GOLGA7: variants seen among roughly 807,000 people sequenced by gnomAD.
The protein encoded by GOLGA7 is golgin A7.
A neutral mutation model predicts 21.1 loss-of-function variants in GOLGA7; 10 were observed. That is an observed-to-expected ratio of 0.47 (90% CI 0.29 to 0.80). The LOEUF is 0.80. Ranked by LOEUF, GOLGA7 falls within the 30% of genes least tolerant of loss-of-function variation. The pLI, the probability that GOLGA7 is intolerant of heterozygous loss-of-function variation, is 0.08. For synonymous variants in GOLGA7, 64 were observed against 62.6 expected (o/e 1.02, Z -0.10); for missense variants, 114 against 166.8 (o/e 0.68, Z 1.74).
chr8:41,497,084 A>G (rs1325936373), intron 1 of GOLGA7, among the ~76,000 whole-genome samples: 1 of 151,690 alleles, frequency 6.6e-6, no homozygotes, highest in Non-Finnish European at 1.5e-5. Flanking sequence ...TGCTGGGATT[A>G]CAGGCATGAG....
intron 1 of GOLGA7, among the ~76,000 whole-genome samples, chr8:41,495,850 A>G (rs552142139): frequency 6.6e-6 from 1 of 152,286 alleles, no homozygotes; most frequent in African/African-American, 2.4e-5. Context: ...ATGAAGTAGC[A>G]AAATTTGAAA....
At chr8:41,509,066 T>TA (rs1337590668) in intron 4 of GOLGA7, among the ~76,000 whole-genome samples, 1 of 152,228 alleles carries the variant, frequency 6.6e-6, no homozygotes, top group African/African-American at 2.4e-5. Flanking sequence ...ATCACATTGT[T>TA]ATTGTTACAT....
chr8:41,490,596 A>G lies in GOLGA7; in HGVS notation c.-259A>G. 1 of 478,242 alleles carries G rather than the reference A, an allele frequency of 2.1e-6. No homozygotes were observed. The highest frequency in any genetic ancestry group is 3.7e-6 in the Non-Finnish European group (1 of 269,006). The allele number at this position is 478,242 out of a possible 1,614,324, so 29.6% of individuals were successfully genotyped here. A position where few individuals can be genotyped will look rare whatever the true frequency, so the allele number is the denominator to read the frequency against. On this transcript the variant is annotated 5_prime_UTR_variant, in exon 1 of 5. Transcript: ENST00000357743. ...GTGACGGCGAAGGCGGTGCGACAGC[A>G]GCTGGAGGGCAGAGGAGGCGGGTTT...
chr8:41,507,463 A>G (rs1456562120), intron 4 of GOLGA7, among the ~76,000 whole-genome samples: 2 of 152,174 alleles, frequency 1.3e-5, no homozygotes, highest in African/African-American at 4.8e-5. Context: ...TGGGTTTTGC[A>G]TATAAGAATG....
intron 2 of GOLGA7, among the ~76,000 whole-genome samples, chr8:41,505,511 C>T (rs989341855): frequency 2.6e-5 from 4 of 152,140 alleles, no homozygotes; most frequent in African/African-American, 9.7e-5. Context: ...CAAGAACTGT[C>T]CTTGATTTTA....
chr8:41,499,752 G>A (rs1280819921), intron 2 of GOLGA7, among the ~76,000 whole-genome samples: 6 of 152,130 alleles, frequency 3.9e-5, no homozygotes, highest in Non-Finnish European at 8.8e-5. Flanking sequence ...TAGGGGTGTG[G>A]CAGGCCAGGG....
Position 41,490,791 on chromosome 8 carries a change from C to T in GOLGA7, c.-64C>T. 2.2e-6 allele frequency: 2 copies of T among 902,270 alleles called. No homozygotes were observed. Among genetic ancestry groups the T allele is most frequent in the Non-Finnish European group, 3.5e-6 (2 of 571,688 alleles). The allele number at this position is 902,270 out of a possible 1,614,324, so 55.9% of individuals were successfully genotyped here. A position where few individuals can be genotyped will look rare whatever the true frequency, so the allele number is the denominator to read the frequency against. ...GGCGGGTCAGAGTCCCGGGTCCAGGCCGGGGCTCTGACTCGCGGTTGGTGT... is the reference window on the plus strand; with the variant it reads ...GGCGGGTCAGAGTCCCGGGTCCAGGTCGGGGCTCTGACTCGCGGTTGGTGT... On this transcript the variant is annotated 5_prime_UTR_variant, in exon 1 of 5. Transcript: ENST00000357743.
chr8:41,495,066 T>C (rs982783446), intron 1 of GOLGA7, among the ~76,000 whole-genome samples: 16 of 151,490 alleles, frequency 1.1e-4, no homozygotes, highest in African/African-American at 3.6e-4. Context: ...TAGTAGGGAA[T>C]GGTGGTGCAC....
chr8:41,503,452 A>G (rs1276890533), intron 2 of GOLGA7, among the ~76,000 whole-genome samples: 1 of 101,274 alleles, frequency 9.9e-6, no homozygotes, highest in Non-Finnish European at 2.0e-5. Context: ...TTTTGTTGCC[A>G]TTGCTTTTGG....
chr8:41,495,908 A>G (rs945194835), intron 1 of GOLGA7, among the ~76,000 whole-genome samples: 6 of 152,004 alleles, frequency 3.9e-5, no homozygotes, highest in African/African-American at 1.4e-4. Context: ...ATATTGGAAG[A>G]ATAAAGTAAA....
chr8:41,493,181 G>A (rs1206319860), intron 1 of GOLGA7, among the ~76,000 whole-genome samples: 2 of 152,186 alleles, frequency 1.3e-5, no homozygotes, highest in African/African-American at 4.8e-5. Context: ...TTGATTGTCT[G>A]TGTATGTGTG....
rs534130949 is a variant in GOLGA7, at chr8:41,495,996, A to G, written c.112-1513A>G. On this transcript the variant is annotated intron_variant, in intron 1 of 4. Transcript: ENST00000357743. ...AAATATGTGGAACCAGAAGTATTTC[A>G]GTTTTTGGGGTTTTTTTAGATTTTG... 2.4e-4 allele frequency among the ~76,000 whole-genome samples: 37 copies of G among 152,324 alleles called. No homozygotes were observed. In the South Asian group the frequency reaches 7.2e-3, roughly 30 times the overall value.
chr8:41,498,650 C>T (rs1412145477), intron 2 of GOLGA7, among the ~76,000 whole-genome samples: 1 of 152,196 alleles, frequency 6.6e-6, no homozygotes, highest in African/African-American at 2.4e-5. Flanking sequence ...CTCTTGTGTC[C>T]CTACAACATT....
At chr8:41,494,726 T>C (rs1463113858) in intron 1 of GOLGA7, among the ~76,000 whole-genome samples, 4 of 152,176 alleles carry the variant, frequency 2.6e-5, no homozygotes, top group East Asian at 3.8e-4. Flanking sequence ...ATCTCTAATA[T>C]TCCTGGAAAT....
chr8:41,509,471 T>G (rs922381632), intron 4 of GOLGA7, 113 bp from the exon 5 acceptor site: 1 of 152,446 alleles, frequency 6.6e-6, no homozygotes, highest in Non-Finnish European at 1.5e-5. Flanking sequence ...AATTCTAGGT[T>G]AGTAGAACAT....
intron 1 of GOLGA7, among the ~76,000 whole-genome samples, chr8:41,493,970 G>A (rs566374691): frequency 2.0e-4 from 31 of 152,206 alleles, no homozygotes; most frequent in South Asian, 4.2e-4. Flanking sequence ...GAAGTTTGTC[G>A]TTTGCCTTTA....
intron 2 of GOLGA7, among the ~76,000 whole-genome samples, chr8:41,500,378 C>A (rs935667032): frequency 6.6e-6 from 1 of 152,056 alleles, no homozygotes; most frequent in South Asian, 2.1e-4. Context: ...TGAACATACA[C>A]AAAGGCCCAG....
Position 41,510,209 on chromosome 8 carries a change from A to G in GOLGA7, c.*641A>G, listed in dbSNP as rs186643502. 6.5e-6 allele frequency: 1 copy of G among 152,762 alleles called. No individual in the cohort carries two copies. Among genetic ancestry groups the G allele is most frequent in the Non-Finnish European group, 1.5e-5 (1 of 68,030 alleles). The allele number at this position is 152,762 out of a possible 1,614,324, so 9.5% of individuals were successfully genotyped here. On this transcript the variant is annotated 3_prime_UTR_variant, in exon 5 of 5. Coordinates refer to ENST00000357743, the MANE Select transcript of GOLGA7 (RefSeq NM_001002296.2). ...TTATTATAGCAATTATGCCTAATTA[A>G]AGCAGTATTTAATGCAATTTCCAGT...
intron 1 of GOLGA7, among the ~76,000 whole-genome samples, chr8:41,495,423 T>C (rs1181328757): frequency 6.6e-6 from 1 of 151,668 alleles, no homozygotes; most frequent in Non-Finnish European, 1.5e-5. Context: ...TAGCTAGGAC[T>C]ATAGGCATGC....
Sources: gnomAD v4.1 joint callset for allele counts (sites outside exome capture counted in the v4.1 genomes callset) on GRCh38, gnomAD v4.1.1 for gene constraint, MANE v1.5 for transcripts, NCBI Gene and HGNC (gene_info 2026-07-23, HGNC 2026-07-21) for gene names.